The following MCTP2 variants were observed in gnomAD, a reference collection of about 807,000 sequenced individuals.
MCTP2 encodes multiple C2 and transmembrane domain containing 2, also known as multiple C2 and transmembrane domain-containing protein 2.
MCTP2 carries 132 observed loss-of-function variants against 111.6 expected under a neutral mutation model. That is an observed-to-expected ratio of 1.18 (90% CI 1.03 to 1.37). The LOEUF (loss-of-function observed/expected upper bound fraction) is 1.37. Ranked by LOEUF, MCTP2 falls within the 40% of genes most tolerant of loss-of-function variation. The pLI, the probability that MCTP2 is intolerant of heterozygous loss-of-function variation, is 0.00. For missense variants in MCTP2, 1,183 were observed against 1,067.9 expected (o/e 1.11, Z -1.50); for synonymous variants, 395 against 387.7 (o/e 1.02, Z -0.22).
At chr15:94,366,222 G>T (rs2079177497) in intron 10 of MCTP2, among the ~76,000 whole-genome samples, 1 of 152,008 alleles carries the variant, frequency 6.6e-6, no homozygotes, top group Non-Finnish European at 1.5e-5. Context: ...CAAATCAGAG[G>T]ATTATTTAAA....
At chr15:94,473,068 T>G (rs2074060114) in intron 21 of MCTP2, among the ~76,000 whole-genome samples, 1 of 113,726 alleles carries the variant, frequency 8.8e-6, no homozygotes, top group African/African-American at 2.7e-5. Flanking sequence ...ATGTTTTTAA[T>G]TTTTTGAAAA....
At chr15:94,377,124 A>G (rs751118051) in intron 12 of MCTP2, among the ~76,000 whole-genome samples, 16 of 152,182 alleles carry the variant, frequency 1.1e-4, no homozygotes, top group Non-Finnish European at 1.9e-4. Context: ...TGCTTGTGTC[A>G]GAAGAGGAAT....
intron 17 of MCTP2, among the ~76,000 whole-genome samples, chr15:94,422,725 C>T (rs1446574825): frequency 1.3e-5 from 2 of 152,192 alleles, no homozygotes; most frequent in Non-Finnish European, 2.9e-5. Context: ...ACCTTATTGC[C>T]AGCCGTTGCT....
intron 17 of MCTP2, among the ~76,000 whole-genome samples, chr15:94,404,044 A>G (rs1275193212): frequency 6.6e-6 from 1 of 152,194 alleles, no homozygotes; most frequent in Non-Finnish European, 1.5e-5. Flanking sequence ...TTCAGTTTTA[A>G]TTTAAAACTC....
At chr15:94,433,745 A>G (rs1374707315) in intron 17 of MCTP2, among the ~76,000 whole-genome samples, 5 of 152,214 alleles carry the variant, frequency 3.3e-5, no homozygotes, top group Non-Finnish European at 7.3e-5. Flanking sequence ...GTTGCTCCAC[A>G]TTTTTGTCAA....
chr15:94,355,610 A>G (rs2078578288), intron 8 of MCTP2, among the ~76,000 whole-genome samples: 1 of 150,168 alleles, frequency 6.7e-6, no homozygotes, highest in African/African-American at 2.5e-5. Flanking sequence ...CAGCTAGGCC[A>G]CTGGAGGCTC....
rs1004196295 is a variant in MCTP2 at position 94,314,166 on chromosome 15, G to C, written c.466-116G>C. The C allele has an allele frequency of 7.4e-6, 5 of 679,116 alleles. No homozygotes were observed. The African/African-American group carries it at 9.0e-5, about 12-fold the overall frequency. The allele number at this position is 679,116 out of a possible 1,614,324, so 42.1% of individuals were successfully genotyped here. ...CACAAACAGGAAGGCGGCCCTCACT[G>C]AAGCTGCATATGCAAATATCAGATT... On this transcript the variant is annotated intron_variant, in intron 2 of 22. Coordinates refer to ENST00000357742, the MANE Select transcript of MCTP2 (RefSeq NM_001385001.1).
chr15:94,379,712 GATATATA>G (rs1302693350), intron 12 of MCTP2, among the ~76,000 whole-genome samples: 1 of 145,002 alleles, frequency 6.9e-6, no homozygotes. Context: ...TCATATATAT[GATATATA>G]ATATATAATG....
intron 8 of MCTP2, among the ~76,000 whole-genome samples, chr15:94,349,453 G>A (rs553293840): frequency 2.0e-5 from 3 of 152,282 alleles, no homozygotes; most frequent in African/African-American, 7.2e-5. Flanking sequence ...TAAGAGAAAT[G>A]AGAATTAGTG....
chr15:94,325,778 C>T (rs549455222), intron 4 of MCTP2, among the ~76,000 whole-genome samples: 66 of 149,948 alleles, frequency 4.4e-4, no homozygotes, highest in Non-Finnish European at 8.0e-4. Context: ...TAGGCCTTAC[C>T]GAAATTCTGA....
chr15:94,375,109 G>A (rs1297895132), intron 12 of MCTP2, among the ~76,000 whole-genome samples: 2 of 152,018 alleles, frequency 1.3e-5, no homozygotes, highest in Non-Finnish European at 2.9e-5. Context: ...TTTTACTCTT[G>A]ATGGAAGGCA....
At chr15:94,333,516 A>G (rs758089842) in intron 4 of MCTP2, among the ~76,000 whole-genome samples, 2 of 152,036 alleles carry the variant, frequency 1.3e-5, no homozygotes, top group African/African-American at 2.4e-5. Context: ...CATATTAACA[A>G]TTGTTCTTGA....
chr15:94,406,904 A>T (rs1383338314), intron 17 of MCTP2, among the ~76,000 whole-genome samples: 3 of 144,620 alleles, frequency 2.1e-5, no homozygotes, highest in African/African-American at 7.8e-5. Flanking sequence ...CAGAAAAGGG[A>T]TGGGGTAGAA....
rs1476791150 is a variant in MCTP2 at position 94,462,865 on chromosome 15, A to G, written c.2360+4619A>G. ...ACATATAAAGAGTTTAGACCAATGGATGACAGGTATTAATCACCTAAAAAT... is the reference window on the plus strand; with the variant it reads ...ACATATAAAGAGTTTAGACCAATGGGTGACAGGTATTAATCACCTAAAAAT... On this transcript the variant is annotated intron_variant, in intron 20 of 22. Coordinates refer to ENST00000357742, the MANE Select transcript of MCTP2 (RefSeq NM_001385001.1). Among the ~76,000 whole-genome samples the G allele has an allele frequency of 2.6e-5, 4 of 152,354 alleles. No individual in the cohort carries two copies. The East Asian group carries it at 7.7e-4, about 29-fold the overall frequency.
intron 1 of MCTP2, among the ~76,000 whole-genome samples, chr15:94,245,285 C>T (rs1297735855): frequency 4.3e-5 from 6 of 138,234 alleles, no homozygotes; most frequent in African/African-American, 1.3e-4. Flanking sequence ...CGTATATACA[C>T]ATATGTATAT....
At chr15:94,338,891 C>A (rs114537738) in intron 4 of MCTP2, among the ~76,000 whole-genome samples, 2,187 of 152,214 alleles carry the variant, frequency 0.014, 45 homozygotes, top group African/African-American at 0.048. Flanking sequence ...TTGAATCAGC[C>A]ATCTGGCTAA....
At chr15:94,295,988 A>G (rs564100786) in intron 1 of MCTP2, among the ~76,000 whole-genome samples, 1 of 152,032 alleles carries the variant, frequency 6.6e-6, no homozygotes, top group Admixed American at 6.5e-5. Flanking sequence ...AGATGTCTCA[A>G]TTGCATTGTT....
intron 19 of MCTP2, among the ~76,000 whole-genome samples, chr15:94,455,067 C>G (rs534638436): frequency 6.6e-6 from 1 of 152,330 alleles, no homozygotes; most frequent in East Asian, 1.9e-4. Context: ...AGTGATCTGC[C>G]CGCCATGGCC....
chr15:94,315,537 G>A lies in MCTP2; in HGVS notation c.537G>A (p.Gly179=). 1 of 1,613,330 alleles carries A rather than the reference G, an allele frequency of 6.2e-7. No individual in the cohort carries two copies. The highest frequency in any genetic ancestry group is 8.5e-7 in the Non-Finnish European group (1 of 1,179,316). Reference sequence around the variant, plus strand: ...CTTCTCCATCTGTGCAGGTACCGGGGGAAGCCAGTGATGGCTTGAGTAACC... The same window carrying A: ...CTTCTCCATCTGTGCAGGTACCGGGAGAAGCCAGTGATGGCTTGAGTAACC... The part of the protein sequence containing the change: ...SQHFEEQSVP[G]EASDGLSNLP... Residue 179 remains glycine (G), a synonymous_variant, in exon 4 of 23, where the codon GGG becomes GGA. Coordinates refer to ENST00000357742, the MANE Select transcript of MCTP2 (RefSeq NM_001385001.1).
Sources: allele counts gnomAD v4.1 joint callset (sites outside exome capture counted in the v4.1 genomes callset), GRCh38; gene constraint gnomAD v4.1.1; transcripts MANE v1.5; gene names NCBI Gene and HGNC (gene_info 2026-07-23, HGNC 2026-07-21).